The following SEL1L variants were observed in gnomAD, a reference collection of about 807,000 sequenced individuals.
SEL1L encodes the protein protein sel-1 homolog 1.
In SEL1L, 52 loss-of-function variants were observed where a neutral mutation model predicts 109.8. That is an observed-to-expected ratio of 0.47 (90% CI 0.38 to 0.60). The LOEUF is 0.60. SEL1L is among the 20% of genes least tolerant of loss of function. SEL1L has a pLI of 0.00. For missense variants in SEL1L, 749 were observed against 962.2 expected (o/e 0.78, Z 2.93); for synonymous variants, 373 against 339.6 (o/e 1.10, Z -1.08).
chr14:81,484,356 A>G lies in SEL1L; in HGVS notation c.1915T>C (p.Tyr639His). The G allele has an allele frequency of 6.2e-7, 1 of 1,614,174 alleles. No individual in the cohort carries two copies. The highest frequency in any genetic ancestry group is 2.2e-5 in the East Asian group (1 of 44,884). Residue 639 changes from tyrosine (Y) to histidine (H), a missense_variant, in exon 19 of 21, where the codon TAT becomes CAT. Physicochemically the swap from Tyr to His is moderately conservative, Grantham distance 83 (BLOSUM62 2). Transcript: ENST00000336735. ...ARIKLGDYHF[Y>H]GFGTDVDYET... is the part of the protein sequence containing the mutation. ...TAATCTACATCGGTGCCAAACCCAT[A>G]GAAATGGTAGTCTCCGAGCTTAATT...
At chr14:81,492,199 G>A (rs1044534879) in intron 12 of SEL1L, among the ~76,000 whole-genome samples, 28 of 151,940 alleles carry the variant, frequency 1.8e-4, no homozygotes, top group African/African-American at 9.7e-5. Flanking sequence ...CACCGTGTTA[G>A]CCAGGATGGT....
In SEL1L at chr14:81,472,552, G is replaced by GT. The variant is rs1566966727; in HGVS notation, c.*4419dup. On this transcript the variant is annotated 3_prime_UTR_variant, in exon 21 of 21. Transcript: ENST00000336735. ...TAGTCTAAATGTTACTGTGTGGTAC[G>GT]TGTCTCTGCAAGTCCTCTTAAAAAA... The GT allele has an allele frequency of 2.2e-6, 1 of 447,480 alleles. No homozygotes were observed. Among genetic ancestry groups the GT allele is most frequent in the Non-Finnish European group, 4.4e-6 (1 of 226,704 alleles). The allele number at this position is 447,480 out of a possible 1,614,324, so 27.7% of individuals were successfully genotyped here. A position where few individuals can be genotyped will look rare whatever the true frequency, so the allele number is the denominator to read the frequency against.
chr14:81,513,360 G>A (rs1446526879), intron 3 of SEL1L, among the ~76,000 whole-genome samples: 2 of 152,070 alleles, frequency 1.3e-5, no homozygotes, highest in African/African-American at 4.8e-5. Context: ...CTTTGGGTCC[G>A]CACTACCTTT....
intron 2 of SEL1L, 68 bp from the exon 3 acceptor site, chr14:81,527,032 T>C (rs1595538229): frequency 9.0e-6 from 10 of 1,110,082 alleles, no homozygotes; most frequent in Non-Finnish European, 1.4e-5. Flanking sequence ...TTGACCGTTA[T>C]TTTTACTAAT....
rs531228534 is a variant in SEL1L at position 81,497,821 on chromosome 14, T to C, written c.1128+71A>G. On this transcript the variant is annotated intron_variant, in intron 10 of 20. Transcript: ENST00000336735. Reference sequence around the variant, plus strand: ...AAATGTAACTTACAGATATAAGTGCTTGCTCCCGTCCCCCACAGATTAAAA... The same window carrying C: ...AAATGTAACTTACAGATATAAGTGCCTGCTCCCGTCCCCCACAGATTAAAA... The C allele has an allele frequency of 5.5e-5, 77 of 1,400,314 alleles. 1 individual carries two copies. The South Asian group carries it at 9.9e-4, about 18-fold the overall frequency. The allele number at this position is 1,400,314 out of a possible 1,614,324, so 86.7% of individuals were successfully genotyped here.
intron 11 of SEL1L, 100 bp downstream of exon 11, chr14:81,494,981 G>A: frequency 8.6e-7 from 1 of 1,158,750 alleles, no homozygotes; most frequent in East Asian, 2.5e-5. Context: ...GTGTTTAAAT[G>A]ACAGAAGTTT....
intron 6 of SEL1L, among the ~76,000 whole-genome samples, chr14:81,500,324 C>T (rs759199340): frequency 1.3e-5 from 2 of 152,064 alleles, no homozygotes; most frequent in Non-Finnish European, 2.9e-5. Flanking sequence ...GCCTCTGCCT[C>T]CCAGATTCAA....
intron 1 of SEL1L, among the ~76,000 whole-genome samples, chr14:81,532,636 A>C (rs758836775): frequency 6.6e-5 from 10 of 152,174 alleles, no homozygotes; most frequent in Non-Finnish European, 1.0e-4. Flanking sequence ...TTATTTTAGA[A>C]GCAGAATGAC....
chr14:81,527,787 T>C (rs201129752), intron 1 of SEL1L, 49 bp from the exon 2 acceptor site: 34 of 1,259,334 alleles, frequency 2.7e-5, no homozygotes, highest in Non-Finnish European at 3.8e-5. Context: ...GTTGGGAAAT[T>C]AGTTATTATT....
intron 8 of SEL1L, chr14:81,499,151 T>C (rs1275857312): frequency 5.5e-6 from 6 of 1,083,402 alleles, no homozygotes; most frequent in Middle Eastern, 4.1e-4. Flanking sequence ...GATAATCTAA[T>C]GTAAAAAATG....
intron 3 of SEL1L, among the ~76,000 whole-genome samples, chr14:81,507,715 A>G (rs1884298561): frequency 6.6e-6 from 1 of 152,070 alleles, no homozygotes; most frequent in East Asian, 1.9e-4. Flanking sequence ...ATTCAAGGGT[A>G]TGCCTAAGAA....
intron 3 of SEL1L, among the ~76,000 whole-genome samples, chr14:81,513,392 G>A (rs1207360997): frequency 1.3e-5 from 2 of 152,114 alleles, no homozygotes; most frequent in South Asian, 2.1e-4. Context: ...CACTCACTGC[G>A]AAGGTCTGCG....
At chr14:81,500,752 T>G (rs556614786) in intron 6 of SEL1L, among the ~76,000 whole-genome samples, 10 of 149,064 alleles carry the variant, frequency 6.7e-5, no homozygotes, top group African/African-American at 1.8e-4. Flanking sequence ...ATAAACTATC[T>G]CAGATATAAA....
chr14:81,518,592 G>A (rs1191263222), intron 3 of SEL1L, among the ~76,000 whole-genome samples: 70 of 148,422 alleles, frequency 4.7e-4, no homozygotes, highest in African/African-American at 1.6e-3. Context: ...CCCAGGAGGC[G>A]AAGGTTGCAG....
At chr14:81,478,206 G>A (rs1284203018) in intron 20 of SEL1L, among the ~76,000 whole-genome samples, 1 of 151,954 alleles carries the variant, frequency 6.6e-6, no homozygotes, top group Non-Finnish European at 1.5e-5. Context: ...ACGTTTGTAG[G>A]TACAGGTGCT....
intron 19 of SEL1L, 75 bp downstream of exon 19, chr14:81,484,150 T>C (rs1468621723): frequency 1.4e-6 from 2 of 1,457,072 alleles, no homozygotes; most frequent in Non-Finnish European, 1.9e-6. Flanking sequence ...AAGGAAAGTC[T>C]ATTTTCTATA....
Position 81,506,062 on chromosome 14 carries a change from A to T in SEL1L, c.508+12T>A. 2 of 1,612,772 alleles carry T rather than the reference A, an allele frequency of 1.2e-6. No individual in the cohort carries two copies. On this transcript the variant is annotated intron_variant, in intron 4 of 20. Transcript: ENST00000336735. ...AGCAATGCAGATCTGCCTCCTACTG[A>T]GCAATACTTACTTTCACAAAAGCCC...
At chr14:81,513,602 T>C (rs1884576439) in intron 3 of SEL1L, among the ~76,000 whole-genome samples, 1 of 152,146 alleles carries the variant, frequency 6.6e-6, no homozygotes, top group South Asian at 2.1e-4. Flanking sequence ...AAGCAGTGAG[T>C]ACCATCAGAC....
At chr14:81,509,388 A>T (rs1233369199) in intron 3 of SEL1L, among the ~76,000 whole-genome samples, 2 of 152,232 alleles carry the variant, frequency 1.3e-5, no homozygotes. Context: ...ACCAGTATCA[A>T]ATCTGACACC....
Sources: gnomAD v4.1 joint callset for allele counts (sites outside exome capture counted in the v4.1 genomes callset) on GRCh38, gnomAD v4.1.1 for gene constraint, MANE v1.5 for transcripts, NCBI Gene and HGNC (gene_info 2026-07-23, HGNC 2026-07-21) for gene names.